Variants in EPC2 observed in about 807,000 individuals in gnomAD.
The protein encoded by EPC2 is enhancer of polycomb homolog 2.
Under a neutral mutation model 92.1 loss-of-function variants are expected in EPC2, and 14 were observed. The observed-to-expected ratio is 0.15, with a 90% CI of 0.10 to 0.24. The LOEUF is 0.24. Among genes scored for constraint, EPC2 ranks in the 10% least tolerant of loss-of-function variants. The pLI is 1.00. For missense variants in EPC2, 755 were observed against 971.5 expected (o/e 0.78, Z 2.96); for synonymous variants, 340 against 334.7 (o/e 1.02, Z -0.17).
At position 148,644,862 on chromosome 2, in the gene EPC2, G is replaced by T; in HGVS notation, c.-156G>T. The T allele has an allele frequency of 1.6e-6, 1 of 611,276 alleles. No homozygotes were observed. The highest frequency in any genetic ancestry group is 2.7e-6 in the Non-Finnish European group (1 of 366,696). The allele number at this position is 611,276 out of a possible 1,614,324, so 37.9% of individuals were successfully genotyped here. A position where few individuals can be genotyped will look rare whatever the true frequency, so the allele number is the denominator to read the frequency against. ...CGGGGGGCTGTTTTCGGGCGGGGTG[G>T]GCGCCCATGCTGTGGCCGGGGGCAG... is the stretch of plus-strand genomic sequence containing the variant. On this transcript the variant is annotated 5_prime_UTR_variant, in exon 1 of 14. Coordinates refer to ENST00000258484, the MANE Select transcript of EPC2 (RefSeq NM_015630.4).
chr2:148,676,312 T>C (rs1324725492), intron 1 of EPC2, among the ~76,000 whole-genome samples: 1 of 151,930 alleles, frequency 6.6e-6, no homozygotes, highest in Non-Finnish European at 1.5e-5. Context: ...TTGTGTATCT[T>C]GGTGGAGAGG....
At chr2:148,757,079 A>G (rs966905129) in intron 4 of EPC2, among the ~76,000 whole-genome samples, 1 of 152,164 alleles carries the variant, frequency 6.6e-6, no homozygotes, top group South Asian at 2.1e-4. Context: ...GTGGTTTTTA[A>G]TATTGATATA....
intron 2 of EPC2, among the ~76,000 whole-genome samples, chr2:148,708,625 A>G (rs543466283): frequency 6.6e-6 from 1 of 152,366 alleles, no homozygotes; most frequent in South Asian, 2.1e-4. Flanking sequence ...ATTGAGAGGC[A>G]CATCAAAAAG....
At chr2:148,728,863 T>A (rs1682556949) in intron 2 of EPC2, among the ~76,000 whole-genome samples, 1 of 151,004 alleles carries the variant, frequency 6.6e-6, no homozygotes, top group Non-Finnish European at 1.5e-5. Context: ...AAACCCCGTC[T>A]CTACTAAAAA....
chr2:148,698,693 G>GTTTTT (rs1491457469), intron 2 of EPC2, among the ~76,000 whole-genome samples: 1 of 55,844 alleles, frequency 1.8e-5, no homozygotes. Flanking sequence ...AAGAAAGTAA[G>GTTTTT]CTTTTTTTTT....
intron 1 of EPC2, among the ~76,000 whole-genome samples, chr2:148,685,781 A>G (rs1376675530): frequency 6.6e-6 from 1 of 152,222 alleles, no homozygotes; most frequent in Non-Finnish European, 1.5e-5. Context: ...AATAAAAATA[A>G]AAAAATAAAA....
chr2:148,777,544 A>G (rs563872301), intron 10 of EPC2, among the ~76,000 whole-genome samples: 1 of 152,286 alleles, frequency 6.6e-6, no homozygotes, highest in East Asian at 1.9e-4. Flanking sequence ...TTAGTTAACA[A>G]AGATTTCCCA....
At chr2:148,751,478 T>G (rs1683081890) in intron 3 of EPC2, among the ~76,000 whole-genome samples, 1 of 152,110 alleles carries the variant, frequency 6.6e-6, no homozygotes, top group Non-Finnish European at 1.5e-5. Flanking sequence ...TTTCTACTGC[T>G]TTTTAGTGAA....
In EPC2 at chr2:148,744,279, C is replaced by A. The variant is rs114450108; in HGVS notation, c.459+512C>A. Among the ~76,000 whole-genome samples the A allele has an allele frequency of 6.6e-5, 10 of 152,130 alleles. 1 individual carries two copies. In the South Asian group the frequency reaches 2.1e-3, roughly 32 times the overall value. On this transcript the variant is annotated intron_variant, in intron 3 of 13. Coordinates refer to ENST00000258484, the MANE Select transcript of EPC2 (RefSeq NM_015630.4). ...ACTGTCTTTCTGGAAAGCAGTTAAG[C>A]AGTGTAAGTCAGGAGCCTAAAAATA...
Position 148,644,843 on chromosome 2 carries a change from G to C in EPC2, c.-175G>C, listed in dbSNP as rs1356452695. The C allele has an allele frequency of 7.2e-6, 4 of 557,564 alleles. No individual in the cohort carries two copies. The highest frequency in any genetic ancestry group is 2.0e-5 in the African/African-American group (1 of 48,960). The allele number at this position is 557,564 out of a possible 1,614,324, so 34.5% of individuals were successfully genotyped here. On this transcript the variant is annotated 5_prime_UTR_variant, in exon 1 of 14. Coordinates refer to ENST00000258484, the MANE Select transcript of EPC2 (RefSeq NM_015630.4). ...GTGGAGGCGGCCGCGGGCGCGGGGGGCTGTTTTCGGGCGGGGTGGGCGCCC... is the reference window on the plus strand; with the variant it reads ...GTGGAGGCGGCCGCGGGCGCGGGGGCCTGTTTTCGGGCGGGGTGGGCGCCC...
At chr2:148,740,103 T>A (rs1407028637) in intron 2 of EPC2, among the ~76,000 whole-genome samples, 1 of 151,888 alleles carries the variant, frequency 6.6e-6, no homozygotes, top group Non-Finnish European at 1.5e-5. Flanking sequence ...GAGAAAGCTA[T>A]CTGGGTTTCA....
chr2:148,767,857 CTT>C (rs903752728), intron 7 of EPC2, among the ~76,000 whole-genome samples: 4 of 152,162 alleles, frequency 2.6e-5, no homozygotes, highest in Admixed American at 2.0e-4. Context: ...ATTTCTGAGA[CTT>C]TGTGACACTT....
intron 2 of EPC2, among the ~76,000 whole-genome samples, chr2:148,729,116 G>T (rs1434999640): frequency 6.6e-6 from 1 of 150,556 alleles, no homozygotes; most frequent in Non-Finnish European, 1.5e-5. Context: ...GTGAATAATG[G>T]ATAACTGTGA....
At position 148,770,803 on chromosome 2, in the gene EPC2, C is replaced by T. The variant is rs1251503658; in HGVS notation, c.1242C>T (p.Asp414=). The change falls in exon 9 of 14, where the codon GAC becomes GAT. Residue 414 remains aspartate (D), a synonymous_variant. Coordinates refer to ENST00000258484, the MANE Select transcript of EPC2 (RefSeq NM_015630.4). ...TTCTTTCTTTGCAGCCTCGTTTGGA[C>T]CAAGCTAACCATTCATGTGAAAATT... The part of the protein sequence containing the change: ...AGCQYYAPRL[D]QANHSCENSE... 1 of 1,608,220 alleles carries T rather than the reference C, an allele frequency of 6.2e-7. No homozygotes were observed. Among genetic ancestry groups the T allele is most frequent in the Non-Finnish European group, 8.5e-7 (1 of 1,178,506 alleles).
intron 13 of EPC2, among the ~76,000 whole-genome samples, chr2:148,785,342 C>G (rs1332652627): frequency 6.6e-6 from 1 of 152,054 alleles, no homozygotes; most frequent in Non-Finnish European, 1.5e-5. Flanking sequence ...CCCGCCCCAC[C>G]CCCGAGATGG....
chr2:148,687,368 G>A (rs891739771), intron 1 of EPC2, among the ~76,000 whole-genome samples: 2 of 152,196 alleles, frequency 1.3e-5, no homozygotes, highest in East Asian at 3.9e-4. Context: ...CAATAAGGCT[G>A]TTTTGCTTCG....
chr2:148,786,770 A>G lies in EPC2; in HGVS notation c.*393A>G, dbSNP rs1683875796. 1.3e-5 allele frequency: 2 copies of G among 153,814 alleles called. No homozygotes were observed. Among genetic ancestry groups the G allele is most frequent in the Admixed American group, 6.5e-5 (1 of 15,322 alleles). The allele number at this position is 153,814 out of a possible 1,614,324, so 9.5% of individuals were successfully genotyped here. On this transcript the variant is annotated 3_prime_UTR_variant, in exon 14 of 14. Transcript: ENST00000258484. ...TTTGTATCTTGTAAAAATAAATCCA[A>G]CTTTGTGTCTAAAAAGTTAAAGATT...
In EPC2 at chr2:148,675,719, G is replaced by A. The variant is rs79450843; in HGVS notation, c.154-14495G>A. Among the ~76,000 whole-genome samples, 713 of 152,028 alleles carry A rather than the reference G, an allele frequency of 4.7e-3. 1 individual carries two copies. Among genetic ancestry groups the A allele is most frequent in the Non-Finnish European group, 8.2e-3 (560 of 67,984 alleles). ...CAATTTTAGTTTCCCAGAATTTTACGGCACTCTTGTGCTGATGGCCTATCT... is the reference window on the plus strand; with the variant it reads ...CAATTTTAGTTTCCCAGAATTTTACAGCACTCTTGTGCTGATGGCCTATCT... On this transcript the variant is annotated intron_variant, in intron 1 of 13. Coordinates refer to ENST00000258484, the MANE Select transcript of EPC2 (RefSeq NM_015630.4).
chr2:148,655,416 A>G (rs925851471), intron 1 of EPC2, among the ~76,000 whole-genome samples: 2 of 152,242 alleles, frequency 1.3e-5, no homozygotes, highest in African/African-American at 2.4e-5. Flanking sequence ...AGTTATCAAA[A>G]TAAACAATTT....
Sources: gnomAD v4.1 joint callset for allele counts (sites outside exome capture counted in the v4.1 genomes callset) on GRCh38, gnomAD v4.1.1 for gene constraint, MANE v1.5 for transcripts, NCBI Gene and HGNC (gene_info 2026-07-23, HGNC 2026-07-21) for gene names.